The following RBM46 variants were observed in gnomAD, a reference collection of about 807,000 sequenced individuals.
RBM46 encodes probable RNA-binding protein 46.
A neutral mutation model predicts 43.3 loss-of-function variants in RBM46; 12 were observed. The ratio of observed to expected loss-of-function variants is 0.28; its 90% confidence interval spans 0.18 to 0.45. RBM46 has a LOEUF of 0.45. Among genes scored for constraint, RBM46 ranks in the 20% least tolerant of loss-of-function variants. RBM46 has a pLI of 1.00. For missense variants in RBM46, 412 were observed against 639.1 expected, an observed-to-expected ratio of 0.64 and a Z score of 3.83; for synonymous variants, 205 against 207.6, an observed-to-expected ratio of 0.99 and a Z score of 0.11.
At chr4:154,796,990 T>C in intron 2 of RBM46, 87 bp downstream of exon 2, 3 of 1,126,454 alleles carry the variant, frequency 2.7e-6, no homozygotes, top group Non-Finnish European at 3.8e-6. Flanking sequence ...TTCCAAACAA[T>C]AGCTCTCTCC....
At chr4:154,817,331 CTTTTTTTT>C (rs58860836) in intron 4 of RBM46, among the ~76,000 whole-genome samples, 1 of 126,420 alleles carries the variant, frequency 7.9e-6, no homozygotes, top group Non-Finnish European at 1.6e-5. Context: ...TTTTCTCTTT[CTTTTTTTT>C]TTTTTTTTTT....
intron 1 of RBM46, among the ~76,000 whole-genome samples, chr4:154,786,563 T>G (rs1733778073): frequency 6.6e-6 from 1 of 152,030 alleles, no homozygotes; most frequent in Admixed American, 6.6e-5. Context: ...TTGATAAAAA[T>G]TATTGTCTAC....
intron 4 of RBM46, among the ~76,000 whole-genome samples, chr4:154,823,824 A>C (rs369535691): frequency 6.6e-6 from 1 of 151,914 alleles, no homozygotes; most frequent in South Asian, 2.1e-4. Flanking sequence ...ACCAGTCTCT[A>C]CTCTTGCTCC....
intron 1 of RBM46, among the ~76,000 whole-genome samples, chr4:154,791,657 A>G (rs1040115272): frequency 3.3e-5 from 5 of 152,346 alleles, no homozygotes; most frequent in Non-Finnish European, 5.9e-5. Flanking sequence ...ATGATACATT[A>G]TAAGAAATAA....
chr4:154,798,334 T>C, intron 3 of RBM46, 56 bp downstream of exon 3: 1 of 1,118,012 alleles, frequency 8.9e-7, no homozygotes, highest in Non-Finnish European at 1.3e-6. Context: ...GGAGAGATGA[T>C]AGTACATCAG....
At chr4:154,807,430 A>G (rs971965500) in intron 4 of RBM46, among the ~76,000 whole-genome samples, 5 of 151,450 alleles carry the variant, frequency 3.3e-5, no homozygotes, top group Non-Finnish European at 5.9e-5. Flanking sequence ...TTCCTGTTTA[A>G]TATTTAGTAG....
At chr4:154,818,065 A>G (rs909103615) in intron 4 of RBM46, among the ~76,000 whole-genome samples, 1 of 152,068 alleles carries the variant, frequency 6.6e-6, no homozygotes, top group Non-Finnish European at 1.5e-5. Context: ...TTATATATAT[A>G]TATTTAAACC....
intron 4 of RBM46, among the ~76,000 whole-genome samples, chr4:154,812,136 A>G (rs1057212274): frequency 3.9e-5 from 6 of 151,944 alleles, no homozygotes; most frequent in African/African-American, 1.5e-4. Context: ...CATGATTCCA[A>G]TGAAAAACTG....
intron 4 of RBM46, among the ~76,000 whole-genome samples, chr4:154,812,957 A>G (rs1165038716): frequency 6.6e-6 from 1 of 152,148 alleles, no homozygotes; most frequent in Non-Finnish European, 1.5e-5. Flanking sequence ...ATTACTCAAT[A>G]ATTTTTATAT....
intron 4 of RBM46, among the ~76,000 whole-genome samples, chr4:154,814,093 CT>C (rs1284650943): frequency 7.2e-5 from 11 of 151,884 alleles, no homozygotes; most frequent in African/African-American, 2.7e-4. Context: ...AATTAGGAGC[CT>C]ACTTAGATTT....
intron 4 of RBM46, among the ~76,000 whole-genome samples, chr4:154,816,858 C>T (rs1735469090): frequency 6.6e-6 from 1 of 151,964 alleles, no homozygotes. Context: ...TTTATTCCTG[C>T]TTTGTATGAG....
chr4:154,812,383 T>C (rs1458024058), intron 4 of RBM46, among the ~76,000 whole-genome samples: 1 of 152,132 alleles, frequency 6.6e-6, no homozygotes, highest in Non-Finnish European at 1.5e-5. Context: ...GTTAGAAAAA[T>C]CTTGTAAACA....
At chr4:154,786,109 T>C (rs1733749972) in intron 1 of RBM46, among the ~76,000 whole-genome samples, 1 of 152,204 alleles carries the variant, frequency 6.6e-6, no homozygotes, top group Admixed American at 6.5e-5. Flanking sequence ...TTTTTTGAGA[T>C]GGAGCCTCGT....
At chr4:154,807,662 T>C (rs1734971990) in intron 4 of RBM46, among the ~76,000 whole-genome samples, 3 of 151,920 alleles carry the variant, frequency 2.0e-5, no homozygotes, top group African/African-American at 4.8e-5. Flanking sequence ...TTCTTCCTCT[T>C]TCCAAGACCT....
intron 4 of RBM46, among the ~76,000 whole-genome samples, chr4:154,807,791 A>G (rs1734977885): frequency 6.6e-6 from 1 of 151,912 alleles, no homozygotes. Context: ...CAGAATATTA[A>G]TAACTCCTTG....
chr4:154,811,669 CTGTGTGTGTGTGTGTGTGTG>C (rs70947182), intron 4 of RBM46, among the ~76,000 whole-genome samples: 2 of 130,760 alleles, frequency 1.5e-5, no homozygotes, highest in Non-Finnish European at 3.4e-5. Context: ...GTGTGTGTGT[CTGTGTGTGTGTGTGTGTGTG>C]TGTGTGTGTG....
chr4:154,816,510 A>G, intron 4 of RBM46, among the ~76,000 whole-genome samples: 1 of 152,174 alleles, frequency 6.6e-6, no homozygotes, highest in Admixed American at 6.5e-5. Flanking sequence ...ACTTATCTTA[A>G]TTTCAGTTTC....
chr4:154,789,444 G>T (rs563265673), intron 1 of RBM46, among the ~76,000 whole-genome samples: 4 of 152,274 alleles, frequency 2.6e-5, no homozygotes, highest in Non-Finnish European at 4.4e-5. Context: ...TGTGGTTTTT[G>T]TCTTTGGTTC....
chr4:154,791,894 A>C (rs1203298630), intron 1 of RBM46, among the ~76,000 whole-genome samples: 2 of 152,184 alleles, frequency 1.3e-5, no homozygotes, highest in Non-Finnish European at 2.9e-5. Context: ...ATCTAAGTTA[A>C]TACAATGTTT....
Sources: gnomAD v4.1 joint callset for allele counts (sites outside exome capture counted in the v4.1 genomes callset) on GRCh38, gnomAD v4.1.1 for gene constraint, MANE v1.5 for transcripts, NCBI Gene and HGNC (gene_info 2026-07-23, HGNC 2026-07-21) for gene names.